The following TAPT1 variants were observed in gnomAD, a reference collection of about 807,000 sequenced individuals.
The protein encoded by TAPT1 is transmembrane anterior posterior transformation protein 1 homolog.
A neutral mutation model predicts 65.6 loss-of-function variants in TAPT1; 28 were observed. The observed-to-expected ratio is 0.43, with a 90% CI of 0.32 to 0.59. The LOEUF is 0.59. TAPT1 is among the 20% of genes least tolerant of loss of function. The pLI, the probability that TAPT1 is intolerant of heterozygous loss-of-function variation, is 0.09. For synonymous variants in TAPT1, 278 were observed against 245.2 expected (o/e 1.13, Z -1.25); for missense variants, 563 against 679.9 (o/e 0.83, Z 1.91).
chr4:16,223,158 G>C (rs1398488046), intron 1 of TAPT1, among the ~76,000 whole-genome samples: 1 of 152,132 alleles, frequency 6.6e-6, no homozygotes, highest in Non-Finnish European at 1.5e-5. Flanking sequence ...AGCAAGCACA[G>C]AGTTTACAAA....
intron 2 of TAPT1, among the ~76,000 whole-genome samples, chr4:16,211,486 A>C (rs1255117082): frequency 6.6e-6 from 1 of 152,196 alleles, no homozygotes; most frequent in Non-Finnish European, 1.5e-5. Flanking sequence ...TTGGTTTTAG[A>C]AGTTAAGAAA....
chr4:16,162,877 G>C lies in TAPT1; in HGVS notation c.*431C>G. On this transcript the variant is annotated 3_prime_UTR_variant, in exon 14 of 14. Transcript: ENST00000405303. The stretch of plus-strand genomic sequence containing the variant: ...GCAGATGAAGTAACGTTTGAAAACT[G>C]TTTGTGAAAATAGTATGAGACTGGA... 5.3e-6 allele frequency: 2 copies of C among 376,172 alleles called. No individual in the cohort carries two copies. The highest frequency in any genetic ancestry group is 3.8e-5 in the South Asian group (2 of 52,966). 23.3% of individuals were successfully genotyped at this position (376,172 alleles called of 1,614,324 possible). A position where few individuals can be genotyped will look rare whatever the true frequency, so the allele number is the denominator to read the frequency against.
chr4:16,222,461 T>C (rs1175093796), intron 1 of TAPT1, among the ~76,000 whole-genome samples: 1 of 152,238 alleles, frequency 6.6e-6, no homozygotes, highest in Non-Finnish European at 1.5e-5. Context: ...ACAAATTAAT[T>C]GGCTCTAGAT....
Position 16,166,786 on chromosome 4 carries a change from A to T in TAPT1, c.1321T>A (p.Ser441Thr). The T allele has an allele frequency of 6.2e-7, 1 of 1,613,526 alleles. No homozygotes were observed. Among genetic ancestry groups the T allele is most frequent in the Non-Finnish European group, 8.5e-7 (1 of 1,179,550 alleles). ...CVILFYFGLI[S>T]LKVLNSIVLL... ...ACGATGCTATTAAGTACTTTCAGGG[A>T]TATCAACCTAAAAACAGAAACAAAA... The change falls in exon 13 of 14, where the codon TCC (serine) becomes ACC (threonine). Residue 441 changes from serine to threonine, a missense_variant. Physicochemically the swap from Ser to Thr is moderately conservative, Grantham distance 58. Around this residue, in one of 5 missense-constraint regions of TAPT1, gnomAD observed 136 missense variants for 153.9 expected, o/e 0.88. Coordinates refer to ENST00000405303, the MANE Select transcript of TAPT1 (RefSeq NM_153365.3).
Position 16,176,168 on chromosome 4 carries a change from TC to T in TAPT1, c.1057del (p.Asp353IlefsTer3). On this transcript the variant is annotated frameshift_variant, in exon 9 of 14. Transcript: ENST00000405303. LOFTEE classifies it high-confidence loss of function. Reference sequence around the variant, plus strand: ...AGTAATAAAGGCATGTTTTACAATATCCACGGCAATTTCTGATGCAATTACC... The same window carrying T: ...AGTAATAAAGGCATGTTTTACAATATCACGGCAATTTCTGATGCAATTACC... Reference protein sequence around the residue: ...CMVIASEIAVDIVKHAFITKF... With the variant: ...CMVIASEIAVXIVKHAFITKF... The T allele has an allele frequency of 6.3e-7, 1 of 1,578,316 alleles. No homozygotes were observed. The highest frequency in any genetic ancestry group is 8.6e-7 in the Non-Finnish European group (1 of 1,160,568).
At position 16,215,381 on chromosome 4, in the gene TAPT1, G is replaced by A. The variant is rs1461020681; in HGVS notation, c.200-1483C>T. On this transcript the variant is annotated intron_variant, in intron 1 of 13. Coordinates refer to ENST00000405303, the MANE Select transcript of TAPT1 (RefSeq NM_153365.3). ...ACTTGACTATGGTTTTAAACAATAG[G>A]TCTACAACAGCTTACTTCCTCCAGC... 1.8e-4 allele frequency among the ~76,000 whole-genome samples: 28 copies of A among 152,058 alleles called. 1 individual carries two copies. Among genetic ancestry groups the A allele is most frequent in the Non-Finnish European group, 5.9e-5 (4 of 68,024 alleles).
chr4:16,168,560 C>G (rs764891644), intron 12 of TAPT1, among the ~76,000 whole-genome samples: 1 of 152,208 alleles, frequency 6.6e-6, no homozygotes, highest in Non-Finnish European at 1.5e-5. Context: ...CAGGTGGCTG[C>G]ACAGCTCCCT....
chr4:16,201,634 A>G (rs1750038453), intron 3 of TAPT1, among the ~76,000 whole-genome samples: 1 of 152,214 alleles, frequency 6.6e-6, no homozygotes, highest in Non-Finnish European at 1.5e-5. Flanking sequence ...CCTCAAGACC[A>G]ATAAAGCATT....
At chr4:16,205,353 T>C (rs1005157203) in intron 2 of TAPT1, among the ~76,000 whole-genome samples, 4 of 152,168 alleles carry the variant, frequency 2.6e-5, no homozygotes, top group Non-Finnish European at 5.9e-5. Flanking sequence ...GGATCGCTGG[T>C]CTAGGGTGTT....
chr4:16,173,722 C>G (rs780149159), intron 11 of TAPT1, among the ~76,000 whole-genome samples: 1 of 152,326 alleles, frequency 6.6e-6, no homozygotes, highest in Middle Eastern at 3.4e-3. Flanking sequence ...ACAAATGTCA[C>G]TGAAATGCAA....
chr4:16,190,228 C>A (rs1749282505), intron 4 of TAPT1: 1 of 152,288 alleles, frequency 6.6e-6, no homozygotes, highest in Non-Finnish European at 1.5e-5. Flanking sequence ...GGCCAGCAGC[C>A]CCCACCCCAT....
At chr4:16,215,810 A>G (rs564729361) in intron 1 of TAPT1, among the ~76,000 whole-genome samples, 1 of 152,344 alleles carries the variant, frequency 6.6e-6, no homozygotes, top group South Asian at 2.1e-4. Context: ...GAACTTTCTA[A>G]TATGTTCTAC....
chr4:16,183,258 T>C (rs1257323244), intron 7 of TAPT1: 1 of 152,196 alleles, frequency 6.6e-6, no homozygotes, highest in African/African-American at 2.4e-5. Flanking sequence ...AAGGGTACAA[T>C]GCGGACCACC....
chr4:16,182,669 T>G (rs777896005), intron 7 of TAPT1, among the ~76,000 whole-genome samples: 1 of 152,218 alleles, frequency 6.6e-6, no homozygotes, highest in African/African-American at 2.4e-5. Context: ...CCTTTCTAAA[T>G]GCACAGTTCA....
At chr4:16,197,494 A>C (rs975229) in intron 3 of TAPT1, among the ~76,000 whole-genome samples, 1 of 152,220 alleles carries the variant, frequency 6.6e-6, no homozygotes, top group African/African-American at 2.4e-5. Flanking sequence ...ACGAAGTCAC[A>C]AATTTCAGGA....
At chr4:16,197,740 C>A (rs1219524744) in intron 3 of TAPT1, among the ~76,000 whole-genome samples, 2 of 152,080 alleles carry the variant, frequency 1.3e-5, no homozygotes, top group African/African-American at 4.8e-5. Flanking sequence ...AAAGATTATC[C>A]TCGTTCAAGA....
intron 7 of TAPT1, among the ~76,000 whole-genome samples, chr4:16,182,311 A>T (rs924445393): frequency 4.6e-5 from 7 of 152,218 alleles, no homozygotes; most frequent in African/African-American, 4.8e-5. Flanking sequence ...AATCAGCAAC[A>T]TATTTATACC....
chr4:16,191,442 G>C lies in TAPT1; in HGVS notation c.531C>G (p.His177Gln), dbSNP rs371262145. The change falls in exon 4 of 14, where the codon CAC (histidine) becomes CAG (glutamine). Residue 177 changes from histidine (H) to glutamine (Q), a missense_variant. By Grantham distance (24) the His-to-Gln change is conservative. Around this residue, in one of 5 missense-constraint regions of TAPT1, gnomAD observed 217 missense variants for 317.5 expected, o/e 0.68. Transcript: ENST00000405303. ...VILVICYFMM[H>Q]YVDYSMMYHL... ...GGTACATCATGGAGTAGTCAACATA[G>C]TGCATCATAAAATAGCAGATTACCA... 1.4e-5 allele frequency: 22 copies of C among 1,583,912 alleles called. No individual in the cohort carries two copies. In the African/African-American group the frequency reaches 2.3e-4, roughly 16 times the overall value.
At chr4:16,166,270 G>C (rs1321837979) in intron 13 of TAPT1, among the ~76,000 whole-genome samples, 2 of 152,200 alleles carry the variant, frequency 1.3e-5, no homozygotes, top group African/African-American at 4.8e-5. Flanking sequence ...TCCCCGTCCT[G>C]CTTTTGTTTT....
Sources: allele counts gnomAD v4.1 joint callset (sites outside exome capture counted in the v4.1 genomes callset), GRCh38; gene constraint gnomAD v4.1.1; regional missense constraint gnomAD v4.1.1; transcripts MANE v1.5; gene names NCBI Gene and HGNC (gene_info 2026-07-23, HGNC 2026-07-21).